HPS1: variants seen among roughly 807,000 people sequenced by gnomAD.
The protein encoded by HPS1 is BLOC-3 complex member HPS1.
HPS1 carries 59 observed loss-of-function variants against 90.6 expected under a neutral mutation model. That is an observed-to-expected ratio of 0.65 (90% CI 0.53 to 0.81). The LOEUF is 0.81. Among genes scored for constraint, HPS1 ranks in the 30% least tolerant of loss-of-function variants. HPS1 has a pLI of 0.00. For missense variants in HPS1, 849 were observed against 896.7 expected (o/e 0.95, Z 0.68); for synonymous variants, 388 against 384.4 (o/e 1.01, Z -0.11).
At chr10:98,433,546 C>A (rs1278946578) in intron 6 of HPS1, among the ~76,000 whole-genome samples, 1 of 152,194 alleles carries the variant, frequency 6.6e-6, no homozygotes, top group Admixed American at 6.5e-5. Flanking sequence ...GAGTTGCAGG[C>A]TCAGCTCTCC....
At chr10:98,425,512 G>A in intron 13 of HPS1, 29 bp downstream of exon 13, 1 of 1,592,260 alleles carries the variant, frequency 6.3e-7, no homozygotes, top group Non-Finnish European at 8.6e-7. Context: ...CTCTTCCCCA[G>A]GTGGGGAGGA....
intron 14 of HPS1, among the ~76,000 whole-genome samples, 164 bp from the exon 15 acceptor site, chr10:98,424,051 C>T (rs1371581019): frequency 6.6e-6 from 1 of 152,032 alleles, no homozygotes; most frequent in East Asian, 1.9e-4. Context: ...CCTGGGGAGC[C>T]CCTCACTCCC....
chr10:98,424,873 A>T (rs766572241), intron 13 of HPS1, among the ~76,000 whole-genome samples: 8 of 152,056 alleles, frequency 5.3e-5, no homozygotes, highest in African/African-American at 9.7e-5. Flanking sequence ...CCTCCAGCCA[A>T]TCCTGCAGCC....
chr10:98,424,702 CGGA>C (rs1564836946), intron 13 of HPS1, among the ~76,000 whole-genome samples: 1 of 151,250 alleles, frequency 6.6e-6, no homozygotes, highest in Non-Finnish European at 1.5e-5. Context: ...CTGGGGTGTG[CGGA>C]GGAGGTGCTG....
chr10:98,420,595 A>G (rs1844721944), intron 17 of HPS1, among the ~76,000 whole-genome samples: 1 of 152,170 alleles, frequency 6.6e-6, no homozygotes, highest in Admixed American at 6.5e-5. Flanking sequence ...ACACACCTGT[A>G]GTCCCAGCTA....
intron 16 of HPS1, 36 bp downstream of exon 16, chr10:98,423,567 C>T (rs765106667): frequency 1.6e-5 from 26 of 1,602,418 alleles, no homozygotes; most frequent in Middle Eastern, 1.7e-4. Flanking sequence ...ATCCAAGAGG[C>T]TTGTTGGGCT....
At chr10:98,425,380 T>A (rs1250538558) in intron 13 of HPS1, among the ~76,000 whole-genome samples, 161 bp downstream of exon 13, 1 of 152,240 alleles carries the variant, frequency 6.6e-6, no homozygotes, top group Non-Finnish European at 1.5e-5. Flanking sequence ...AAGTTTTCAA[T>A]ATCATTTCAT....
intron 10 of HPS1, 49 bp from the exon 11 acceptor site, chr10:98,427,313 A>G: frequency 6.8e-7 from 1 of 1,478,258 alleles, no homozygotes; most frequent in East Asian, 2.5e-5. Flanking sequence ...ATGAGATGTA[A>G]GCAATGGCTC....
chr10:98,435,444 A>G lies in HPS1; in HGVS notation c.256-30T>C. ...AGGCACAGGCAGGCCAGTGTCAGCC[A>G]GCCCCAAGGGCACTCCCTTCACCTG... is the stretch of plus-strand genomic sequence containing the variant. On this transcript the variant is annotated intron_variant, in intron 4 of 19. Transcript: ENST00000361490. This position sits in a 1 kb window ranked among gnomAD's most constrained non-coding sequence, Gnocchi z 4.3. The G allele has an allele frequency of 6.2e-7, 1 of 1,613,734 alleles. No individual in the cohort carries two copies. Among genetic ancestry groups the G allele is most frequent in the Non-Finnish European group, 8.5e-7 (1 of 1,179,984 alleles).
rs1847257643 is a variant in HPS1 at position 98,435,912 on chromosome 10, G to C, written c.118-140C>G. ...AGGGTATCACTGTCCTGGTAGGGAG[G>C]GGAGCAAAAAGAGACTGTCCCCAAC... On this transcript the variant is annotated intron_variant, in intron 3 of 19. Transcript: ENST00000361490. This position sits in a 1 kb window ranked among gnomAD's most constrained non-coding sequence, Gnocchi z 4.3. The C allele has an allele frequency of 9.3e-7, 1 of 1,073,914 alleles. No homozygotes were observed. The highest frequency in any genetic ancestry group is 1.6e-5 in the African/African-American group (1 of 63,316). 66.5% of individuals were successfully genotyped at this position (1,073,914 alleles called of 1,614,324 possible).
At chr10:98,415,967 G>A (rs868523194), downstream of HPS1, among the ~76,000 whole-genome samples, 7 of 152,194 alleles carry the variant, frequency 4.6e-5, no homozygotes, top group Admixed American at 1.3e-4. Context: ...CTTGAATTAG[G>A]AGCCCCTTTG....
Position 98,427,243 on chromosome 10 carries a change from C to T in HPS1, c.959G>A (p.Gly320Glu). Reference sequence around the variant, plus strand: ...AAGGGCATCCATGGGGGGGGTGCCCCCCTCCAGCCAGATGGTGCTACCTGC... The same window carrying T: ...AAGGGCATCCATGGGGGGGGTGCCCTCCTCCAGCCAGATGGTGCTACCTGC... Reference protein sequence around the residue: ...QSSGSTIWLEGGTPPMDALQI... With the variant: ...QSSGSTIWLEEGTPPMDALQI... Residue 320 changes from glycine (G) to glutamate (E), a missense_variant, in exon 11 of 20, where the codon GGG becomes GAG. Transcript: ENST00000361490. 2 of 1,551,494 alleles carry T rather than the reference C, an allele frequency of 1.3e-6. No homozygotes were observed. Among genetic ancestry groups the T allele is most frequent in the South Asian group, 1.2e-5 (1 of 84,056 alleles).
At chr10:98,436,376 A>G (rs1847324668) in intron 3 of HPS1, among the ~76,000 whole-genome samples, 1 of 152,238 alleles carries the variant, frequency 6.6e-6, no homozygotes, top group Non-Finnish European at 1.5e-5. Context: ...AGCTAAAAAT[A>G]AAACAAGAAT....
chr10:98,442,720 C>T (rs1938664915), intron 3 of HPS1: 1 of 297,716 alleles, frequency 3.4e-6, no homozygotes, highest in Non-Finnish European at 6.6e-6. Context: ...GCTGCCCAGG[C>T]TGGTCTCAAA....
intron 10 of HPS1, among the ~76,000 whole-genome samples, chr10:98,427,879 A>G (rs1845824720): frequency 6.6e-6 from 1 of 152,234 alleles, no homozygotes; most frequent in Non-Finnish European, 1.5e-5. Flanking sequence ...CTTTGGGGGA[A>G]GTGTGTTCCT....
At chr10:98,434,661 T>C (rs1425653126) in intron 5 of HPS1, among the ~76,000 whole-genome samples, 1 of 152,050 alleles carries the variant, frequency 6.6e-6, no homozygotes, top group Non-Finnish European at 1.5e-5. Context: ...ACTCCGCAGC[T>C]TCCCAATCCA....
At chr10:98,425,216 T>G (rs1845440750) in intron 13 of HPS1, among the ~76,000 whole-genome samples, 1 of 152,254 alleles carries the variant, frequency 6.6e-6, no homozygotes, top group Non-Finnish European at 1.5e-5. Flanking sequence ...ACTTGCTCAC[T>G]GCATCCGGGC....
At chr10:98,433,483 C>T (rs1846821118) in intron 6 of HPS1, among the ~76,000 whole-genome samples, 1 of 152,106 alleles carries the variant, frequency 6.6e-6, no homozygotes, top group East Asian at 1.9e-4. Context: ...TTTACTAGGG[C>T]TTTATAAAAG....
intron 3 of HPS1, among the ~76,000 whole-genome samples, chr10:98,437,792 G>T (rs574270526): frequency 2.6e-5 from 4 of 152,088 alleles, no homozygotes; most frequent in African/African-American, 9.6e-5. Flanking sequence ...ACTTTTTTTT[G>T]GTGAGGGGAT....
Sources: gnomAD v4.1 joint callset for allele counts (sites outside exome capture counted in the v4.1 genomes callset) on GRCh38, gnomAD v4.1.1 for gene constraint, Gnocchi (gnomAD v3.1) non-coding constraint, MANE v1.5 for transcripts, NCBI Gene and HGNC (gene_info 2026-07-23, HGNC 2026-07-21) for gene names.